ALDH9A1: variants seen among roughly 807,000 people sequenced by gnomAD.
ALDH9A1 encodes aldehyde dehydrogenase 9 family member A1, also known as 4-trimethylaminobutyraldehyde dehydrogenase.
Under a neutral mutation model 56.6 loss-of-function variants are expected in ALDH9A1, and 42 were observed. The observed-to-expected ratio is 0.74, with a 90% CI of 0.58 to 0.96. The LOEUF is 0.96. ALDH9A1 is among the 40% of genes least tolerant of loss of function. The pLI, the probability that ALDH9A1 is intolerant of heterozygous loss-of-function variation, is 0.00. For missense variants in ALDH9A1, 661 were observed against 651.5 expected (o/e 1.01, Z -0.16); for synonymous variants, 242 against 236.0 (o/e 1.03, Z -0.23).
intron 2 of ALDH9A1, among the ~76,000 whole-genome samples, chr1:165,684,008 A>T (rs779562423): frequency 2.6e-5 from 4 of 152,256 alleles, no homozygotes. Flanking sequence ...TATAAAACTG[A>T]TAAGCAGTAA....
chr1:165,693,654 T>C (rs1177928883), intron 2 of ALDH9A1, among the ~76,000 whole-genome samples: 1 of 152,222 alleles, frequency 6.6e-6, no homozygotes, highest in Non-Finnish European at 1.5e-5. Context: ...GAAGACAGTG[T>C]GGCGATTCCT....
At chr1:165,687,090 A>C (rs1433203219) in intron 2 of ALDH9A1, among the ~76,000 whole-genome samples, 3 of 152,194 alleles carry the variant, frequency 2.0e-5, no homozygotes, top group Non-Finnish European at 4.4e-5. Flanking sequence ...AAGACCGATG[A>C]ACTTGAGTCA....
At chr1:165,665,952 A>G (rs1648992954) in intron 9 of ALDH9A1, among the ~76,000 whole-genome samples, 1 of 152,236 alleles carries the variant, frequency 6.6e-6, no homozygotes, top group Non-Finnish European at 1.5e-5. Context: ...AAAGGCCTGT[A>G]CACATATGTT....
At chr1:165,687,811 A>G (rs182466315) in intron 2 of ALDH9A1, among the ~76,000 whole-genome samples, 1 of 152,104 alleles carries the variant, frequency 6.6e-6, no homozygotes, top group African/African-American at 2.4e-5. Context: ...AACATGGTGA[A>G]ACCCCATCTC....
chr1:165,692,335 C>A (rs1649918997), intron 2 of ALDH9A1, among the ~76,000 whole-genome samples: 1 of 152,216 alleles, frequency 6.6e-6, no homozygotes, highest in African/African-American at 2.4e-5. Flanking sequence ...AGCCCAAAAT[C>A]TCCTTAAGGT....
At chr1:165,675,463 T>C (rs1649329083) in intron 6 of ALDH9A1, among the ~76,000 whole-genome samples, 1 of 152,066 alleles carries the variant, frequency 6.6e-6, no homozygotes, top group Non-Finnish European at 1.5e-5. Flanking sequence ...TACAAGTACC[T>C]ATTCATTTGT....
intron 8 of ALDH9A1, 27 bp downstream of exon 8, chr1:165,668,899 C>T (rs1649086563): frequency 2.0e-6 from 3 of 1,478,560 alleles, no homozygotes; most frequent in African/African-American, 1.4e-5. Flanking sequence ...TTCAAATCAT[C>T]TAAAAGCAAA....
In ALDH9A1 at chr1:165,698,310, G is replaced by A. The variant is rs949538708; in HGVS notation, c.181+68C>T. The A allele has an allele frequency of 3.9e-6, 6 of 1,532,910 alleles. No individual in the cohort carries two copies. The African/African-American group carries it at 8.4e-5, about 22-fold the overall frequency. 95.0% of individuals were successfully genotyped at this position (1,532,910 alleles called of 1,614,324 possible). A position where few individuals can be genotyped will look rare whatever the true frequency, so the allele number is the denominator to read the frequency against. On this transcript the variant is annotated intron_variant, in intron 1 of 10. Coordinates refer to ENST00000354775, the MANE Select transcript of ALDH9A1 (RefSeq NM_000696.4). Reference sequence around the variant, plus strand: ...TCAACGCTGCAGAACACAGGAAACGGGGGCTGGCCGGGAAATCCGCGCATC... The same window carrying A: ...TCAACGCTGCAGAACACAGGAAACGAGGGCTGGCCGGGAAATCCGCGCATC...
intron 6 of ALDH9A1, among the ~76,000 whole-genome samples, chr1:165,674,683 A>AT (rs1251618906): frequency 1.6e-4 from 18 of 109,654 alleles, no homozygotes; most frequent in Non-Finnish European, 2.3e-4. Flanking sequence ...GAGACTCCGA[A>AT]TCAAAAAAAA....
intron 2 of ALDH9A1, among the ~76,000 whole-genome samples, chr1:165,689,885 G>C (rs2101754794): frequency 6.6e-6 from 1 of 151,258 alleles, no homozygotes; most frequent in East Asian, 2.0e-4. Context: ...AGTGAGCCAA[G>C]ATTGTGCCAT....
intron 6 of ALDH9A1, among the ~76,000 whole-genome samples, chr1:165,678,369 T>C (rs1397191392): frequency 1.3e-5 from 2 of 151,396 alleles, no homozygotes; most frequent in African/African-American, 4.8e-5. Context: ...AAATAAAAAA[T>C]AAATAAATAA....
In ALDH9A1 at chr1:165,668,921, C is replaced by T. The variant is rs1219921697; in HGVS notation, c.1207+5G>A. The T allele has an allele frequency of 6.4e-7, 1 of 1,563,048 alleles. No individual in the cohort carries two copies. The highest frequency in any genetic ancestry group is 2.2e-5 in the East Asian group (1 of 44,578). On this transcript the variant is annotated splice_donor_5th_base_variant and intron_variant, in intron 8 of 10. Coordinates refer to ENST00000354775, the MANE Select transcript of ALDH9A1 (RefSeq NM_000696.4). ...CATCTAAAAGCAAACAAAAAGAGGACATACTTAATACACAAGGTCTCATGT... is the reference window on the plus strand; with the variant it reads ...CATCTAAAAGCAAACAAAAAGAGGATATACTTAATACACAAGGTCTCATGT...
chr1:165,682,871 C>G, intron 3 of ALDH9A1, 110 bp downstream of exon 3: 1 of 1,301,900 alleles, frequency 7.7e-7, no homozygotes, highest in Non-Finnish European at 1.0e-6. Flanking sequence ...GTGACAAACC[C>G]AAGACTTTCA....
intron 1 of ALDH9A1, 63 bp downstream of exon 1, chr1:165,698,315 T>C (rs1276631773): frequency 1.3e-6 from 2 of 1,537,784 alleles, no homozygotes; most frequent in Non-Finnish European, 1.7e-6. Flanking sequence ...AAACGGGGGC[T>C]GGCCGGGAAA....
At chr1:165,676,939 A>G (rs1017334880) in intron 6 of ALDH9A1, among the ~76,000 whole-genome samples, 2 of 152,186 alleles carry the variant, frequency 1.3e-5, no homozygotes, top group Non-Finnish European at 2.9e-5. Flanking sequence ...CAGACTTAGT[A>G]TTTTTCTTGC....
Position 165,697,008 on chromosome 1 carries a change from T to C in ALDH9A1, c.181+1370A>G, listed in dbSNP as rs566830925. Among the ~76,000 whole-genome samples, 63 of 152,284 alleles carry C rather than the reference T, an allele frequency of 4.1e-4. 1 individual carries two copies. The highest frequency in any genetic ancestry group is 1.4e-3 in the African/African-American group (58 of 41,546). On this transcript the variant is annotated intron_variant, in intron 1 of 10. Coordinates refer to ENST00000354775, the MANE Select transcript of ALDH9A1 (RefSeq NM_000696.4). Reference sequence around the variant, plus strand: ...GATGGTCAAATACTAAATTCTCCAGTCCCCTGCAAATCAGTTTTATTGCTC... The same window carrying C: ...GATGGTCAAATACTAAATTCTCCAGCCCCCTGCAAATCAGTTTTATTGCTC...
intron 6 of ALDH9A1, chr1:165,671,671 G>T (rs1571168557): frequency 2.1e-6 from 1 of 475,796 alleles, no homozygotes; most frequent in East Asian, 5.9e-5. Context: ...ATAAGACCAA[G>T]TGAGTCCTCT....
At chr1:165,689,696 G>A (rs995043882) in intron 2 of ALDH9A1, among the ~76,000 whole-genome samples, 6 of 152,126 alleles carry the variant, frequency 3.9e-5, no homozygotes, top group African/African-American at 1.4e-4. Flanking sequence ...CACTTTGGAA[G>A]GCCAAGGCAG....
At chr1:165,673,119 A>C (rs1015557348) in intron 6 of ALDH9A1, among the ~76,000 whole-genome samples, 7 of 150,792 alleles carry the variant, frequency 4.6e-5, no homozygotes, top group South Asian at 2.1e-4. Context: ...AAAAAAAAAA[A>C]CCTCTGATTA....
Sources: gnomAD v4.1 joint callset for allele counts (sites outside exome capture counted in the v4.1 genomes callset) on GRCh38, gnomAD v4.1.1 for gene constraint, MANE v1.5 for transcripts, NCBI Gene and HGNC (gene_info 2026-07-23, HGNC 2026-07-21) for gene names.